The following MYBBP1A variants were observed in gnomAD, a reference collection of about 807,000 sequenced individuals.
MYBBP1A encodes the protein MYB binding protein 1a.
A neutral mutation model predicts 136.3 loss-of-function variants in MYBBP1A; 147 were observed. The ratio of observed to expected loss-of-function variants is 1.08; its 90% CI spans 0.94 to 1.24. The LOEUF (loss-of-function observed/expected upper bound fraction) is 1.24, where lower values mean the gene tolerates loss of function less well. Ranked by LOEUF, MYBBP1A falls within the 50% of genes most tolerant of loss-of-function variation. The pLI is 0.00. For synonymous variants in MYBBP1A, 947 were observed against 735.8 expected (o/e 1.29, Z -4.65); for missense variants, 2,060 against 1,727.4 (o/e 1.19, Z -3.41).
rs1017173412 is a variant in MYBBP1A at position 4,539,094 on chromosome 17, G to C, written c.*321C>G. The C allele has an allele frequency of 4.0e-6, 6 of 1,495,338 alleles. No homozygotes were observed. Among genetic ancestry groups the C allele is most frequent in the Admixed American group, 3.7e-5 (2 of 54,116 alleles). The allele number at this position is 1,495,338 out of a possible 1,614,324, so 92.6% of individuals were successfully genotyped here. A position where few individuals can be genotyped will look rare whatever the true frequency, so the allele number is the denominator to read the frequency against. ...GGGGGCAAAGAGGTGGCAGGCACGA[G>C]AGATGGTCACACCTGCCTGCAGCCA... On this transcript the variant is annotated 3_prime_UTR_variant, in exon 26 of 26. Coordinates refer to ENST00000254718, the MANE Select transcript of MYBBP1A (RefSeq NM_014520.4).
chr17:4,541,436 C>T (rs750338625), intron 24 of MYBBP1A, 27 bp downstream of exon 24: 10 of 1,601,294 alleles, frequency 6.2e-6, no homozygotes, highest in African/African-American at 4.0e-5. Context: ...AACCCGAACA[C>T]GACCGCGGAC....
rs1662665586 is a variant in MYBBP1A, at chr17:4,552,127, G to A, written c.903C>T (p.Ala301=). The A allele has an allele frequency of 6.2e-7, 1 of 1,613,822 alleles. No homozygotes were observed. The highest frequency in any genetic ancestry group is 8.5e-7 in the Non-Finnish European group (1 of 1,179,796). The change falls in exon 7 of 26, where the codon GCC becomes GCT. Residue 301 remains alanine (A), a splice_region_variant and synonymous_variant. Coordinates refer to ENST00000254718, the MANE Select transcript of MYBBP1A (RefSeq NM_014520.4). This position sits in a 1 kb window ranked among gnomAD's most constrained non-coding sequence, Gnocchi z 4.7. Reference sequence around the variant, plus strand: ...GAGAGGACACGCGTCGCCCGCACCTGGCTGGCCAGAACTGCATCTTCAGCA... The same window carrying A: ...GAGAGGACACGCGTCGCCCGCACCTAGCTGGCCAGAACTGCATCTTCAGCA... The part of the protein sequence containing the change: ...QGLLKMQFWP[A]SYLCFRLLGA...
chr17:4,541,696 G>A, intron 23 of MYBBP1A, 88 bp downstream of exon 23: 1 of 1,459,124 alleles, frequency 6.9e-7, no homozygotes, highest in Non-Finnish European at 9.6e-7. Context: ...TCTGGACTCA[G>A]GCTCCAATCC....
rs1372078947 is a variant in MYBBP1A at position 4,548,332 on chromosome 17, G to A, written c.1557-22C>T. ...CAGACTGGGCAAGGGATGGGGCTTGGGGTCAGCAGACCAGATGAGTCAATG... is the reference window on the plus strand; with the variant it reads ...CAGACTGGGCAAGGGATGGGGCTTGAGGTCAGCAGACCAGATGAGTCAATG... On this transcript the variant is annotated intron_variant, in intron 11 of 25. Transcript: ENST00000254718. The surrounding 1 kb of genome is among the most constrained non-coding windows in gnomAD (Gnocchi z 4.2). The A allele has an allele frequency of 1.2e-6, 2 of 1,609,958 alleles. No homozygotes were observed. Among genetic ancestry groups the A allele is most frequent in the Admixed American group, 1.7e-5 (1 of 59,980 alleles).
Position 4,542,731 on chromosome 17 carries a change from C to T in MYBBP1A, c.2903G>A (p.Cys968Tyr), listed in dbSNP as rs1244229527. Residue 968 changes from cysteine to tyrosine, a missense_variant, in exon 21 of 26, where the codon TGC (cysteine) becomes TAC (tyrosine). Transcript: ENST00000254718. ...HMPTGPQAAS[C>Y]LDLNLVTRVY... ...CCGGGTCACCAGGTTCAAGTCCAAG[C>T]AGCTGGCAGCCTAGGCCAGGGGAGA... 7 of 1,613,278 alleles carry T rather than the reference C, an allele frequency of 4.3e-6. No individual in the cohort carries two copies. The Admixed American group carries it at 8.3e-5, about 19-fold the overall frequency.
chr17:4,545,684 G>A lies in MYBBP1A; in HGVS notation c.1999C>T (p.Arg667Cys), dbSNP rs145628809. ...ALLAQPSHLM[R>C]QVARSVFGHI... ...CCAAACACGCTCCGGGCCACCTGGCGCATGAGGTGGCTGGGCTGGGCCAAC... is the reference window on the plus strand; with the variant it reads ...CCAAACACGCTCCGGGCCACCTGGCACATGAGGTGGCTGGGCTGGGCCAAC... The change falls in exon 15 of 26, where the codon CGC becomes TGC. Residue 667 changes from arginine to cysteine, a missense_variant. Arg to Cys is a radical substitution (Grantham distance 180, BLOSUM62 -3). Transcript: ENST00000254718. 19 of 1,611,342 alleles carry A rather than the reference G, an allele frequency of 1.2e-5. No individual in the cohort carries two copies. The highest frequency in any genetic ancestry group is 1.7e-4 in the Middle Eastern group (1 of 6,052).
intron 19 of MYBBP1A, among the ~76,000 whole-genome samples, chr17:4,543,455 T>C (rs894194330): frequency 1.3e-5 from 2 of 152,126 alleles, no homozygotes; most frequent in Non-Finnish European, 2.9e-5. Context: ...CTGTCTACAC[T>C]TGTCTCTCAT....
Position 4,540,451 on chromosome 17 carries a change from C to A in MYBBP1A, c.3331G>T (p.Val1111Leu), listed in dbSNP as rs1567602633. 1.2e-6 allele frequency: 2 copies of A among 1,610,690 alleles called. No homozygotes were observed. The highest frequency in any genetic ancestry group is 1.7e-6 in the Non-Finnish European group (2 of 1,179,516). The change falls in exon 25 of 26, where the codon GTG becomes TTG. Residue 1111 changes from valine (V) to leucine (L), a missense_variant. Physicochemically the swap from Val to Leu is conservative, Grantham distance 32 (BLOSUM62 1). Transcript: ENST00000254718. ...LTLDLTVLLG[V>L]LQGQQQSLQQ... is the part of the protein sequence containing the mutation. ...AGGCTCTGCTGTTGCCCCTGCAGCA[C>A]ACCCAGGAGCACCGTCAGGTCCAAG...
chr17:4,549,450 G>A lies in MYBBP1A; in HGVS notation c.1320-8C>T, dbSNP rs766150742. On this transcript the variant is annotated splice_polypyrimidine_tract_variant and splice_region_variant and intron_variant, in intron 9 of 25. Coordinates refer to ENST00000254718, the MANE Select transcript of MYBBP1A (RefSeq NM_014520.4). ...AACACAGCTCGCTCAGGCCTAGCGG[G>A]GCAGGAGGCGAGGTCATGTGAGCCA... 41 of 1,610,708 alleles carry A rather than the reference G, an allele frequency of 2.5e-5. No homozygotes were observed. The South Asian group carries it at 3.9e-4, about 15-fold the overall frequency.
At position 4,541,535 on chromosome 17, in the gene MYBBP1A, G is replaced by A. The variant is rs146114729; in HGVS notation, c.3225C>T (p.Thr1075=). ...ACAGTGCCTGCTGATGCTGCGCCTT[G>A]GTCTGCGCCTCCCCCAGCACGCGCA... The part of the protein sequence containing the change: ...ENLRVLGEAQ[T]KAQHQQALSS... Residue 1075 remains threonine, a synonymous_variant, in exon 24 of 26, where the codon ACC becomes ACT. Coordinates refer to ENST00000254718, the MANE Select transcript of MYBBP1A (RefSeq NM_014520.4). 1 of 1,613,264 alleles carries A rather than the reference G, an allele frequency of 6.2e-7. No individual in the cohort carries two copies.
At position 4,552,421 on chromosome 17, in the gene MYBBP1A, G is replaced by C. The variant is rs1018042858; in HGVS notation, c.737+30C>G. 5.6e-6 allele frequency: 9 copies of C among 1,608,930 alleles called. No homozygotes were observed. Among genetic ancestry groups the C allele is most frequent in the African/African-American group, 4.0e-5 (3 of 74,802 alleles). On this transcript the variant is annotated intron_variant, in intron 6 of 25. Coordinates refer to ENST00000254718, the MANE Select transcript of MYBBP1A (RefSeq NM_014520.4). This position sits in a 1 kb window ranked among gnomAD's most constrained non-coding sequence, Gnocchi z 4.7. The stretch of plus-strand genomic sequence containing the variant: ...GCCAGATGCAGTCCCTTGGCCCCAG[G>C]GAGGGCAAATCCGCCCACCTCCATC...
chr17:4,540,557 C>T lies in MYBBP1A; in HGVS notation c.3298-73G>A, dbSNP rs1163434979. 4 of 1,468,362 alleles carry T rather than the reference C, an allele frequency of 2.7e-6. No homozygotes were observed. In the East Asian group the frequency reaches 9.9e-5, roughly 36 times the overall value. The allele number at this position is 1,468,362 out of a possible 1,614,324, so 91.0% of individuals were successfully genotyped here. ...CTCTCGCGGGCTCCCAGTCTTCCCA[C>T]CTCTGCCCTGTTGCTGCCTCACCAG... On this transcript the variant is annotated intron_variant, in intron 24 of 25. Transcript: ENST00000254718.
rs767017470 is a variant in MYBBP1A, at chr17:4,542,733, G to A, written c.2901C>T (p.Ser967=). ...SHMPTGPQAA[S]CLDLNLVTRV... is the part of the protein sequence containing the mutation. The stretch of plus-strand genomic sequence containing the variant: ...GGGTCACCAGGTTCAAGTCCAAGCA[G>A]CTGGCAGCCTAGGCCAGGGGAGAGC... The change falls in exon 21 of 26, where the codon AGC becomes AGT. Residue 967 remains serine, a synonymous_variant. Coordinates refer to ENST00000254718, the MANE Select transcript of MYBBP1A (RefSeq NM_014520.4). 4.3e-6 allele frequency: 7 copies of A among 1,613,438 alleles called. No homozygotes were observed. Among genetic ancestry groups the A allele is most frequent in the Non-Finnish European group, 5.9e-6 (7 of 1,179,924 alleles).
chr17:4,553,184 G>A (rs1043076779), intron 5 of MYBBP1A, among the ~76,000 whole-genome samples: 8 of 152,034 alleles, frequency 5.3e-5, no homozygotes, highest in African/African-American at 4.8e-5. Context: ...TTTCATACAC[G>A]AGGAGCCCTA....
chr17:4,555,228 G>A lies in MYBBP1A; in HGVS notation c.97C>T (p.Arg33Cys). 1 of 1,612,286 alleles carries A rather than the reference G, an allele frequency of 6.2e-7. No homozygotes were observed. The highest frequency in any genetic ancestry group is 8.5e-7 in the Non-Finnish European group (1 of 1,179,644). Residue 33 changes from arginine (R) to cysteine (C), a missense_variant, in exon 1 of 26, where the codon CGC becomes TGC. Coordinates refer to ENST00000254718, the MANE Select transcript of MYBBP1A (RefSeq NM_014520.4). ...ADRYGLLKHS[R>C]EFLDFFWDIA... ...TCCCAGAAGAAGTCCAAGAACTCGC[G>A]ACTGTGCTTCAATAGGCCATAGCGG...
rs1906198087 is a variant in MYBBP1A at position 4,539,865 on chromosome 17, C to T, written c.3537G>A (p.Lys1179=). Residue 1179 remains lysine, a synonymous_variant, in exon 26 of 26, where the codon AAG becomes AAA. Coordinates refer to ENST00000254718, the MANE Select transcript of MYBBP1A (RefSeq NM_014520.4). The part of the protein sequence containing the change: ...RKKKGFLPET[K]KRKKRKSEDG... Reference sequence around the variant, plus strand: ...CCTCTGACTTGCGTTTCTTGCGCTTCTTCGTCTCTGGCAAGAATCCCTTTT... The same window carrying T: ...CCTCTGACTTGCGTTTCTTGCGCTTTTTCGTCTCTGGCAAGAATCCCTTTT... The T allele has an allele frequency of 1.2e-6, 2 of 1,606,222 alleles. No individual in the cohort carries two copies. The highest frequency in any genetic ancestry group is 1.7e-6 in the Non-Finnish European group (2 of 1,179,990).
Position 4,539,664 on chromosome 17 carries a change from G to A in MYBBP1A, c.3738C>T (p.Ala1246=). The change falls in exon 26 of 26, where the codon GCC becomes GCT. Residue 1246 remains alanine, a synonymous_variant. Transcript: ENST00000254718. ...TTTTCTTCTGCAGTTTTGGGGATTTGGCAGGGGTGCTGGGGCTCCGGGTGG... is the reference window on the plus strand; with the variant it reads ...TTTTCTTCTGCAGTTTTGGGGATTTAGCAGGGGTGCTGGGGCTCCGGGTGG... The part of the protein sequence containing the change: ...GAPTRSPSTP[A]KSPKLQKKNQ... The A allele has an allele frequency of 1.2e-6, 2 of 1,611,318 alleles. No individual in the cohort carries two copies. Among genetic ancestry groups the A allele is most frequent in the South Asian group, 1.1e-5 (1 of 91,002 alleles).
chr17:4,543,204 C>T (rs202219164), intron 19 of MYBBP1A, 39 bp from the exon 20 acceptor site: 117 of 1,561,740 alleles, frequency 7.5e-5, no homozygotes, highest in East Asian at 2.5e-4. Context: ...AGAACATTCT[C>T]GGTCCACCCT....
At position 4,552,386 on chromosome 17, in the gene MYBBP1A, T is replaced by C. The variant is rs1456216590; in HGVS notation, c.737+65A>G. On this transcript the variant is annotated intron_variant, in intron 6 of 25. Transcript: ENST00000254718. This position sits in a 1 kb window ranked among gnomAD's most constrained non-coding sequence, Gnocchi z 4.7. ...GGACACCCCCAGGCCAAACGACAAA[T>C]CTGGGCCTGGCCAGATGCAGTCCCT... The C allele has an allele frequency of 1.2e-6, 2 of 1,602,782 alleles. No individual in the cohort carries two copies. The highest frequency in any genetic ancestry group is 1.7e-6 in the Non-Finnish European group (2 of 1,174,934).
Sources: allele counts gnomAD v4.1 joint callset (sites outside exome capture counted in the v4.1 genomes callset), GRCh38; gene constraint gnomAD v4.1.1; non-coding constraint Gnocchi (gnomAD v3.1); transcripts MANE v1.5; gene names NCBI Gene and HGNC (gene_info 2026-07-23, HGNC 2026-07-21).